The following CSMD2 variants were observed in gnomAD, a reference collection of about 807,000 sequenced individuals.
CSMD2 encodes CUB and sushi domain-containing protein 2.
A neutral mutation model predicts 398.5 loss-of-function variants in CSMD2; 130 were observed. The observed-to-expected ratio is 0.33, with a 90% CI of 0.28 to 0.38. The LOEUF (loss-of-function observed/expected upper bound fraction) is 0.38, where lower values mean the gene tolerates loss of function less well. Ranked by LOEUF, CSMD2 falls within the 10% of genes least tolerant of loss-of-function variation. The probability of loss-of-function intolerance (pLI) is 1.00; values close to 1 mark genes in which losing one functional copy is unlikely to be tolerated. For missense variants in CSMD2, 3,829 were observed against 4,764.9 expected (o/e 0.80, Z 5.78); for synonymous variants, 1,828 against 1,908.5 (o/e 0.96, Z 1.10).
chr1:34,028,510 G>C (rs371505942), intron 3 of CSMD2, among the ~76,000 whole-genome samples: 1 of 152,152 alleles, frequency 6.6e-6, no homozygotes, highest in South Asian at 2.1e-4. Flanking sequence ...CAGCCTGGAA[G>C]TTCCCACATC....
upstream of CSMD2, chr1:34,165,348 T>C: frequency 1.7e-6 from 2 of 1,195,424 alleles, no homozygotes. Flanking sequence ...ATCCCCGGAT[T>C]AATCACTCCG....
At chr1:34,113,972 C>T (rs1391829205) in intron 1 of CSMD2, among the ~76,000 whole-genome samples, 10 of 152,244 alleles carry the variant, frequency 6.6e-5, no homozygotes, top group East Asian at 1.9e-4. Context: ...GCAGAGGGAC[C>T]GGTTTCTGTC....
At chr1:33,618,442 C>A (rs540933751) in intron 37 of CSMD2, among the ~76,000 whole-genome samples, 1 of 152,272 alleles carries the variant, frequency 6.6e-6, no homozygotes, top group East Asian at 1.9e-4. Context: ...TGGAATCCAA[C>A]TTTCTCATCC....
chr1:33,657,134 T>G (rs1289712102), intron 27 of CSMD2, among the ~76,000 whole-genome samples: 3 of 152,166 alleles, frequency 2.0e-5, no homozygotes, highest in Admixed American at 1.3e-4. Flanking sequence ...TAGACAAGTC[T>G]CAGGTCCTTC....
At chr1:33,957,929 C>CTGTGTG (rs72457395) in intron 3 of CSMD2, among the ~76,000 whole-genome samples, 45 of 150,214 alleles carry the variant, frequency 3.0e-4, no homozygotes, top group South Asian at 1.1e-3. Flanking sequence ...AACTCAGTCA[C>CTGTGTG]TGTGTGTGTG....
chr1:33,803,694 C>A (rs1279689864), intron 10 of CSMD2, among the ~76,000 whole-genome samples: 2 of 152,234 alleles, frequency 1.3e-5, no homozygotes, highest in Admixed American at 6.5e-5. Context: ...CTCCACATTT[C>A]CAAAGCCTTG....
chr1:34,165,667 T>C, upstream of CSMD2: 1 of 1,335,172 alleles, frequency 7.5e-7, no homozygotes, highest in Non-Finnish European at 1.1e-6. Context: ...CACGCACACC[T>C]CTTCCACGTT....
chr1:33,743,653 GCCTGCA>G, intron 13 of CSMD2, 47 bp from the exon 14 acceptor site: 1 of 1,373,156 alleles, frequency 7.3e-7, no homozygotes, highest in South Asian at 1.4e-5. Flanking sequence ...CCAACATTCT[GCCTGCA>G]CCACTGAGGG....
At chr1:33,963,193 A>C (rs1186429722) in intron 3 of CSMD2, among the ~76,000 whole-genome samples, 2 of 152,100 alleles carry the variant, frequency 1.3e-5, no homozygotes, top group African/African-American at 4.8e-5. Flanking sequence ...CCCCTCACCT[A>C]ATCTGAATAC....
At chr1:33,552,968 T>G (rs1657599692) in intron 55 of CSMD2, among the ~76,000 whole-genome samples, 1 of 152,222 alleles carries the variant, frequency 6.6e-6, no homozygotes, top group South Asian at 2.1e-4. Context: ...AAAATGCAAA[T>G]GGATTAAATC....
chr1:34,160,068 G>C (rs913051362), intron 1 of CSMD2, among the ~76,000 whole-genome samples: 4 of 152,184 alleles, frequency 2.6e-5, no homozygotes, highest in Non-Finnish European at 5.9e-5. Context: ...GATGATGAGG[G>C]TGAAACAGGC....
At chr1:33,594,223 A>G (rs1639689822) in intron 44 of CSMD2, among the ~76,000 whole-genome samples, 1 of 152,122 alleles carries the variant, frequency 6.6e-6, no homozygotes, top group African/African-American at 2.4e-5. Context: ...GTTCATCCGG[A>G]GTTACAGCCA....
chr1:33,890,926 A>G (rs1387792197), intron 5 of CSMD2, among the ~76,000 whole-genome samples: 1 of 152,256 alleles, frequency 6.6e-6, no homozygotes, highest in Non-Finnish European at 1.5e-5. Flanking sequence ...AATAAACGTT[A>G]GACCTAAAAC....
At chr1:33,910,812 C>T (rs972207715) in intron 5 of CSMD2, among the ~76,000 whole-genome samples, 2 of 152,148 alleles carry the variant, frequency 1.3e-5, no homozygotes, top group South Asian at 4.1e-4. Flanking sequence ...TGGGGAGAAA[C>T]ATTATTTGCA....
At chr1:34,156,952 C>T (rs1167670726) in intron 1 of CSMD2, among the ~76,000 whole-genome samples, 1 of 152,172 alleles carries the variant, frequency 6.6e-6, no homozygotes, top group Non-Finnish European at 1.5e-5. Flanking sequence ...TAAACCCCTA[C>T]TCCATCCTCG....
chr1:33,854,438 G>A (rs929088580), intron 5 of CSMD2, among the ~76,000 whole-genome samples: 1 of 152,244 alleles, frequency 6.6e-6, no homozygotes, highest in African/African-American at 2.4e-5. Flanking sequence ...GTGAGCAGGT[G>A]AGCCAGGGAA....
chr1:33,822,403 T>C (rs1658260351), intron 7 of CSMD2, among the ~76,000 whole-genome samples: 2 of 152,192 alleles, frequency 1.3e-5, no homozygotes, highest in African/African-American at 4.8e-5. Context: ...AGGCCTGAAG[T>C]AGACCGTGTT....
intron 2 of CSMD2, among the ~76,000 whole-genome samples, chr1:34,076,791 A>G (rs1270913377): frequency 6.6e-6 from 1 of 150,702 alleles, no homozygotes; most frequent in African/African-American, 2.4e-5. Flanking sequence ...CATACTGTGG[A>G]TATCAGTGAA....
chr1:33,599,177 T>C (rs1441103179), intron 44 of CSMD2: 1 of 152,240 alleles, frequency 6.6e-6, no homozygotes, highest in Non-Finnish European at 1.5e-5. Context: ...AGAAGGAGCA[T>C]TGTGCCCTTA....
Sources: gnomAD v4.1 joint callset for allele counts (sites outside exome capture counted in the v4.1 genomes callset) on GRCh38, gnomAD v4.1.1 for gene constraint, MANE v1.5 for transcripts, NCBI Gene and HGNC (gene_info 2026-07-23, HGNC 2026-07-21) for gene names.